ACSL5: variants seen among roughly 807,000 people sequenced by gnomAD.
ACSL5 encodes long-chain-fatty-acid--CoA ligase 5.
Under a neutral mutation model 84.9 loss-of-function variants are expected in ACSL5, and 50 were observed. That is an observed-to-expected ratio of 0.59 (90% CI 0.47 to 0.75). ACSL5 has a LOEUF of 0.75. Among genes scored for constraint, ACSL5 ranks in the 30% least tolerant of loss-of-function variants. The pLI is 0.00. For synonymous variants in ACSL5, 280 were observed against 300.7 expected, an observed-to-expected ratio of 0.93 and a Z score of 0.71; for missense variants, 775 against 830.4, an observed-to-expected ratio of 0.93 and a Z score of 0.82.
chr10:112,376,484 G>A, intron 1 of ACSL5: 1 of 1,613,556 alleles, frequency 6.2e-7, no homozygotes, highest in Non-Finnish European at 8.5e-7. Context: ...ATTCAGCAAG[G>A]GGGTCTTGTG....
intron 3 of ACSL5, among the ~76,000 whole-genome samples, chr10:112,400,406 CTTTTTTTTTTTTT>C (rs573644087): frequency 2.0e-5 from 2 of 98,892 alleles, no homozygotes; most frequent in East Asian, 3.0e-4. Flanking sequence ...TTTTTCTTTT[CTTTTTTTTTTTTT>C]TTTTTTTTGA....
rs1466075671 is a variant in ACSL5 at position 112,388,269 on chromosome 10, C to A, written c.-29-6649C>A. Among the ~76,000 whole-genome samples the A allele has an allele frequency of 2.0e-5, 3 of 152,304 alleles. No individual in the cohort carries two copies. The East Asian group carries it at 5.8e-4, about 29-fold the overall frequency. ...ATGATTTATTTCTTGGCTGGACTTT[C>A]TACCTACTTATCCCATGTAGATAAC... On this transcript the variant is annotated intron_variant, in intron 1 of 20. Transcript: ENST00000354655.
At chr10:112,401,790 T>TTCTTTC (rs1843900933) in intron 3 of ACSL5, among the ~76,000 whole-genome samples, 1 of 96,430 alleles carries the variant, frequency 1.0e-5, no homozygotes, top group Non-Finnish European at 2.2e-5. Flanking sequence ...TTCTTTCTCT[T>TTCTTTC]TCTTTCTTTC....
At chr10:112,417,201 T>TAAAAAAAAAAAAAAA (rs377732977) in intron 13 of ACSL5, among the ~76,000 whole-genome samples, 179 bp downstream of exon 13, 1 of 120,064 alleles carries the variant, frequency 8.3e-6, no homozygotes, top group Admixed American at 9.7e-5. Flanking sequence ...GGAGTAGGTT[T>TAAAAAAAAAAAAAAA]AAAAAAAAAA....
At chr10:112,425,934 C>T (rs758125042) in intron 18 of ACSL5, among the ~76,000 whole-genome samples, 5 of 152,120 alleles carry the variant, frequency 3.3e-5, no homozygotes, top group African/African-American at 4.8e-5. Flanking sequence ...CCCAAAACAA[C>T]GAACTGTTTT....
rs759733603 is a variant in ACSL5, at chr10:112,413,282, G to A, written c.1058G>A (p.Arg353Gln). Residue 353 changes from arginine to glutamine, a missense_variant, in exon 12 of 21, where the codon CGA becomes CAA. Transcript: ENST00000354655. Reference sequence around the variant, plus strand: ...CCCACATTGTTTCCCGCGGTGCCTCGACTCCTTAACAGGATCTACGATAAG... The same window carrying A: ...CCCACATTGTTTCCCGCGGTGCCTCAACTCCTTAACAGGATCTACGATAAG... ...LKPTLFPAVP[R>Q]LLNRIYDKVQ... is the part of the protein sequence containing the mutation. 24 of 1,614,088 alleles carry A rather than the reference G, an allele frequency of 1.5e-5. No individual in the cohort carries two copies. The highest frequency in any genetic ancestry group is 8.8e-5 in the South Asian group (8 of 91,072).
At chr10:112,419,171 T>C (rs1361478895) in intron 14 of ACSL5, 1 of 152,010 alleles carries the variant, frequency 6.6e-6, no homozygotes, top group East Asian at 1.9e-4. Flanking sequence ...GAAAGATCTT[T>C]TTTGCACATT....
At chr10:112,379,795 G>GC (rs1174985298) in intron 1 of ACSL5, among the ~76,000 whole-genome samples, 1 of 152,192 alleles carries the variant, frequency 6.6e-6, no homozygotes, top group African/African-American at 2.4e-5. Flanking sequence ...TTGAAAGTTT[G>GC]CCCCTGGCAA....
At chr10:112,388,087 C>T (rs545732026) in intron 1 of ACSL5, among the ~76,000 whole-genome samples, 22 of 151,806 alleles carry the variant, frequency 1.4e-4, no homozygotes, top group Admixed American at 1.1e-3. Flanking sequence ...TACAGGCATG[C>T]GCCACCAAGC....
At chr10:112,413,036 C>A in intron 11 of ACSL5, 137 bp from the exon 12 acceptor site, 1 of 884,330 alleles carries the variant, frequency 1.1e-6, no homozygotes, top group Non-Finnish European at 1.8e-6. Flanking sequence ...CCTCAGCCCA[C>A]TTCCCAAATT....
At chr10:112,384,974 G>A (rs1554860789) in intron 1 of ACSL5, among the ~76,000 whole-genome samples, 1 of 151,998 alleles carries the variant, frequency 6.6e-6, no homozygotes, top group African/African-American at 2.4e-5. Flanking sequence ...CCTACAGATC[G>A]ACTTTCTTTT....
chr10:112,405,295 TA>T (rs1266478274), intron 5 of ACSL5, among the ~76,000 whole-genome samples: 1 of 152,212 alleles, frequency 6.6e-6, no homozygotes, highest in African/African-American at 2.4e-5. Context: ...AAGTTTTGGT[TA>T]AGTCATTAGG....
Position 112,409,627 on chromosome 10 carries a change from A to G in ACSL5, c.653A>G (p.Asp218Gly). 6.2e-7 allele frequency: 1 copy of G among 1,614,158 alleles called. No homozygotes were observed. The highest frequency in any genetic ancestry group is 8.5e-7 in the Non-Finnish European group (1 of 1,180,006). Residue 218 changes from aspartate to glycine, a missense_variant, in exon 7 of 21, where the codon GAC becomes GGC. Coordinates refer to ENST00000354655, the MANE Select transcript of ACSL5 (RefSeq NM_203379.2). ...VIILMDPFDD[D>G]LKQRGEKSGI... ...ATCCTTATGGACCCCTTTGATGATG[A>G]CCTGAAGCAAAGAGGGGAGAAGAGT...
At chr10:112,397,881 A>G (rs1056130335) in intron 2 of ACSL5, among the ~76,000 whole-genome samples, 18 of 152,182 alleles carry the variant, frequency 1.2e-4, no homozygotes, top group African/African-American at 3.9e-4. Flanking sequence ...TACCTAGAAC[A>G]CATAGTATGC....
chr10:112,417,137 G>C (rs1026897795), intron 13 of ACSL5, 115 bp downstream of exon 13: 5 of 1,174,532 alleles, frequency 4.3e-6, no homozygotes, highest in Non-Finnish European at 5.8e-6. Context: ...GATCCTTTCA[G>C]ACTTTGTGTC....
rs60890427 is a variant in ACSL5, at chr10:112,421,154, G to A, written c.1315-439G>A. 4.2e-3 allele frequency among the ~76,000 whole-genome samples: 633 copies of A among 150,640 alleles called. 5 individuals are homozygous for A. The highest frequency in any genetic ancestry group is 0.015 in the African/African-American group (598 of 41,010). ...TGAGTTCAAGGTTTTTTGTTTGTTC[G>A]TTTGTTTGTTTGTTTGTTTTTTGAG... On this transcript the variant is annotated intron_variant, in intron 14 of 20. Coordinates refer to ENST00000354655, the MANE Select transcript of ACSL5 (RefSeq NM_203379.2).
At chr10:112,416,470 C>CA (rs35770074) in intron 12 of ACSL5, among the ~76,000 whole-genome samples, 22,444 of 57,958 alleles carry the variant, frequency 0.39, 4,606 homozygotes, top group African/African-American at 0.48. Context: ...GACTCTGTCT[C>CA]AAAAAAAAAA....
chr10:112,407,242 T>G (rs978389441), intron 5 of ACSL5, among the ~76,000 whole-genome samples: 3 of 152,092 alleles, frequency 2.0e-5, no homozygotes, highest in Admixed American at 6.6e-5. Flanking sequence ...TTATTTTTTG[T>G]GAGACGGAGT....
At chr10:112,416,844 T>TG in intron 12 of ACSL5, 44 bp from the exon 13 acceptor site, 1 of 1,601,830 alleles carries the variant, frequency 6.2e-7, no homozygotes, top group East Asian at 2.2e-5. Flanking sequence ...CTTTGATGAG[T>TG]ATCTCCAATA....
Sources: gnomAD v4.1 joint callset for allele counts (sites outside exome capture counted in the v4.1 genomes callset) on GRCh38, gnomAD v4.1.1 for gene constraint, MANE v1.5 for transcripts, NCBI Gene and HGNC (gene_info 2026-07-23, HGNC 2026-07-21) for gene names.